FRY: variants seen among roughly 807,000 people sequenced by gnomAD.
FRY encodes the protein FRY microtubule binding protein, also known as protein furry homolog.
Under a neutral mutation model 348.4 loss-of-function variants are expected in FRY, and 128 were observed. That is an observed-to-expected ratio of 0.37 (90% CI 0.32 to 0.43). The LOEUF (loss-of-function observed/expected upper bound fraction) is 0.43. Ranked by LOEUF, FRY falls within the 20% of genes least tolerant of loss-of-function variation. The pLI is 1.00. For synonymous variants in FRY, 1,370 were observed against 1,374.7 expected, an observed-to-expected ratio of 1.00 and a Z score of 0.08; for missense variants, 2,736 against 3,695.2, an observed-to-expected ratio of 0.74 and a Z score of 6.73.
intron 41 of FRY, among the ~76,000 whole-genome samples, chr13:32,233,755 A>G (rs1351283347): frequency 2.0e-5 from 3 of 152,250 alleles, no homozygotes; most frequent in Non-Finnish European, 4.4e-5. Flanking sequence ...AGAGTAATAA[A>G]TAAGAATACA....
At chr13:32,271,230 T>C (rs1320598345) in intron 55 of FRY, among the ~76,000 whole-genome samples, 1 of 152,216 alleles carries the variant, frequency 6.6e-6, no homozygotes, top group Non-Finnish European at 1.5e-5. Flanking sequence ...TGAACCTACC[T>C]GTGTTCAAAT....
rs1457952999 is a variant in FRY, at chr13:32,183,715, G to A, written c.3054+681G>A. On this transcript the variant is annotated intron_variant, in intron 24 of 60. Coordinates refer to ENST00000542859, the MANE Select transcript of FRY (RefSeq NM_023037.3). Reference sequence around the variant, plus strand: ...CACTTGAACCTGGGAGGTGGAGGTTGCAGTGAGCCGAGATCACGCCACTGC... The same window carrying A: ...CACTTGAACCTGGGAGGTGGAGGTTACAGTGAGCCGAGATCACGCCACTGC... 3.6e-5 allele frequency among the ~76,000 whole-genome samples: 5 copies of A among 140,804 alleles called. No individual in the cohort carries two copies. The East Asian group carries it at 1.1e-3, about 30-fold the overall frequency. The allele number at this position is 140,804 out of a possible 152,430, so 92.4% of individuals were successfully genotyped here. A position where few individuals can be genotyped will look rare whatever the true frequency, so the allele number is the denominator to read the frequency against.
At chr13:32,273,804 C>G (rs149199226) in intron 55 of FRY, among the ~76,000 whole-genome samples, 6 of 152,158 alleles carry the variant, frequency 3.9e-5, no homozygotes, top group African/African-American at 1.4e-4. Context: ...ACCAGTCTGA[C>G]AAACACGCAA....
At chr13:32,278,414 T>C in intron 57 of FRY, 51 bp from the exon 58 acceptor site, 1 of 941,882 alleles carries the variant, frequency 1.1e-6, no homozygotes, top group Non-Finnish European at 1.8e-6. Context: ...ACCAAAAATG[T>C]TCTCAGAACA....
chr13:32,213,922 C>T (rs1204660172), intron 35 of FRY, among the ~76,000 whole-genome samples: 4 of 152,246 alleles, frequency 2.6e-5, no homozygotes, highest in Non-Finnish European at 5.9e-5. Flanking sequence ...CTTACTCCTG[C>T]TCTGTCACCA....
intron 36 of FRY, among the ~76,000 whole-genome samples, chr13:32,220,099 T>C (rs753563665): frequency 1.6e-4 from 25 of 152,234 alleles, no homozygotes; most frequent in Non-Finnish European, 2.8e-4. Context: ...CAGTATCTTG[T>C]GGGATTTATT....
intron 41 of FRY, among the ~76,000 whole-genome samples, chr13:32,234,151 G>T (rs973218803): frequency 2.0e-5 from 3 of 148,078 alleles, no homozygotes; most frequent in African/African-American, 7.4e-5. Flanking sequence ...GCTTGATGTG[G>T]TGGCTCATGC....
At chr13:32,274,194 C>T (rs1051054564) in intron 55 of FRY, among the ~76,000 whole-genome samples, 1 of 151,684 alleles carries the variant, frequency 6.6e-6, no homozygotes, top group African/African-American at 2.4e-5. Context: ...GACCCATTCT[C>T]ATGCGATATT....
intron 58 of FRY, among the ~76,000 whole-genome samples, chr13:32,284,752 T>A (rs540412996): frequency 6.6e-6 from 1 of 152,358 alleles, no homozygotes; most frequent in African/African-American, 2.4e-5. Context: ...CTCATTAATT[T>A]AAACCCAGGA....
chr13:32,189,735 A>C (rs1162466250), intron 28 of FRY, among the ~76,000 whole-genome samples: 1 of 152,086 alleles, frequency 6.6e-6, no homozygotes, highest in South Asian at 2.1e-4. Flanking sequence ...GCATGGATTC[A>C]ATGCAAATTC....
Position 32,295,430 on chromosome 13 carries a change from A to T in FRY, c.9012A>T (p.Pro3004=). Residue 3004 remains proline, a synonymous_variant, in exon 61 of 61, where the codon CCA becomes CCT. Coordinates refer to ENST00000542859, the MANE Select transcript of FRY (RefSeq NM_023037.3). ...QSYRVLTTFL[P]DSSVSGTSL The stretch of plus-strand genomic sequence containing the variant: ...ACCGAGTCCTCACTACTTTTCTTCC[A>T]GACTCCAGTGTTTCTGGCACTAGTC... 6.2e-7 allele frequency: 1 copy of T among 1,611,964 alleles called. No individual in the cohort carries two copies. The highest frequency in any genetic ancestry group is 8.5e-7 in the Non-Finnish European group (1 of 1,179,968).
chr13:32,057,070 A>G (rs2138426361), intron 1 of FRY, among the ~76,000 whole-genome samples: 1 of 152,326 alleles, frequency 6.6e-6, no homozygotes, highest in East Asian at 1.9e-4. Flanking sequence ...TTGATGTGCA[A>G]AAGTTATTTC....
intron 23 of FRY, among the ~76,000 whole-genome samples, chr13:32,180,338 G>A (rs374424160): frequency 4.0e-5 from 6 of 151,894 alleles, no homozygotes; most frequent in Admixed American, 2.6e-4. Context: ...GGATTCAAGC[G>A]ATTCTCCTGC....
rs1354565691 is a variant in FRY, at chr13:32,108,602, CAG to C, written c.324+6588_324+6589del. On this transcript the variant is annotated intron_variant, in intron 3 of 60. Coordinates refer to ENST00000542859, the MANE Select transcript of FRY (RefSeq NM_023037.3). ...TTACAACCAGTTAAATTCCAAAAAA[CAG>C]ACACATTTATAAATCATCATTGAAA... Among the ~76,000 whole-genome samples the C allele has an allele frequency of 2.0e-5, 3 of 152,226 alleles. No homozygotes were observed. The East Asian group carries it at 5.8e-4, about 29-fold the overall frequency.
chr13:32,117,101 G>A (rs1310714437), intron 3 of FRY, among the ~76,000 whole-genome samples: 2 of 152,116 alleles, frequency 1.3e-5, no homozygotes, highest in Non-Finnish European at 2.9e-5. Flanking sequence ...GAATGAAAGG[G>A]AGTCAAAGTA....
At chr13:32,233,194 G>C (rs1886014462) in intron 41 of FRY, among the ~76,000 whole-genome samples, 1 of 152,086 alleles carries the variant, frequency 6.6e-6, no homozygotes, top group South Asian at 2.1e-4. Context: ...ACATTTTCTT[G>C]TATAATCTAT....
chr13:32,190,919 A>G (rs1883300456), intron 28 of FRY, among the ~76,000 whole-genome samples: 1 of 152,196 alleles, frequency 6.6e-6, no homozygotes, highest in African/African-American at 2.4e-5. Flanking sequence ...CTATAAACGT[A>G]TGGTCATTAA....
intron 57 of FRY, among the ~76,000 whole-genome samples, chr13:32,277,944 A>G (rs1256969838): frequency 2.6e-5 from 4 of 152,132 alleles, no homozygotes; most frequent in African/African-American, 9.7e-5. Flanking sequence ...GTTAGTTACT[A>G]CCCCAGATGC....
chr13:32,222,640 T>A (rs1345027631), intron 36 of FRY, among the ~76,000 whole-genome samples: 2 of 152,204 alleles, frequency 1.3e-5, no homozygotes, highest in Non-Finnish European at 2.9e-5. Flanking sequence ...GTGGTGAAGA[T>A]GGAGAACAGT....
Sources: gnomAD v4.1 joint callset for allele counts (sites outside exome capture counted in the v4.1 genomes callset) on GRCh38, gnomAD v4.1.1 for gene constraint, MANE v1.5 for transcripts, NCBI Gene and HGNC (gene_info 2026-07-23, HGNC 2026-07-21) for gene names.